Variants in LPCAT4 observed in about 807,000 individuals in gnomAD.
LPCAT4 encodes the protein lysophosphatidylcholine acyltransferase 4, also known as lysophospholipid acyltransferase LPCAT4.
Under a neutral mutation model 66.5 loss-of-function variants are expected in LPCAT4, and 30 were observed. The observed-to-expected ratio is 0.45, with a 90% CI of 0.34 to 0.61. The LOEUF (loss-of-function observed/expected upper bound fraction) is 0.61. Ranked by LOEUF, LPCAT4 falls within the 20% of genes least tolerant of loss-of-function variation. The pLI is 0.01. For synonymous variants in LPCAT4, 253 were observed against 262.1 expected (o/e 0.97, Z 0.34); for missense variants, 557 against 656.7 (o/e 0.85, Z 1.66).
At position 34,367,158 on chromosome 15, in the gene LPCAT4, G is replaced by A; in HGVS notation, c.-58C>T. On this transcript the variant is annotated 5_prime_UTR_variant, in exon 1 of 14. Coordinates refer to ENST00000314891, the MANE Select transcript of LPCAT4 (RefSeq NM_153613.3). ...CCCTGGCCCCGGCCACCACTCTGCA[G>A]AGCAGCTGCTGCTGCAGCAGCGGCG... The A allele has an allele frequency of 1.5e-6, 2 of 1,363,530 alleles. No individual in the cohort carries two copies. The highest frequency in any genetic ancestry group is 3.1e-5 in the African/African-American group (2 of 64,964). The allele number at this position is 1,363,530 out of a possible 1,614,324, so 84.5% of individuals were successfully genotyped here.
rs556567055 is a variant in LPCAT4, at chr15:34,359,107, G to T, written c.*20C>A. Reference sequence around the variant, plus strand: ...CCCCTAGCGCTGCCCTGAGGAGGAGGGGGTGAGAGGCTGAGGCACTCAGTC... The same window carrying T: ...CCCCTAGCGCTGCCCTGAGGAGGAGTGGGTGAGAGGCTGAGGCACTCAGTC... On this transcript the variant is annotated 3_prime_UTR_variant, in exon 14 of 14. Transcript: ENST00000314891. 2.3e-5 allele frequency: 37 copies of T among 1,592,398 alleles called. No homozygotes were observed. The African/African-American group carries it at 5.0e-4, about 21-fold the overall frequency.
At chr15:34,361,286 G>T in intron 11 of LPCAT4, 114 bp downstream of exon 11, 1 of 1,527,216 alleles carries the variant, frequency 6.5e-7, no homozygotes, top group Non-Finnish European at 8.8e-7. Context: ...AACAACAGCT[G>T]TGAGAACATC....
intron 1 of LPCAT4, 94 bp from the exon 2 acceptor site, chr15:34,365,795 G>T: frequency 7.0e-7 from 1 of 1,434,268 alleles, no homozygotes; most frequent in Non-Finnish European, 9.5e-7. Flanking sequence ...GGAGCAGACA[G>T]CCATCATCCC....
In LPCAT4 at chr15:34,363,928, C is replaced by T; in HGVS notation, c.652+85G>A. The T allele has an allele frequency of 6.9e-7, 1 of 1,451,642 alleles. No individual in the cohort carries two copies. The highest frequency in any genetic ancestry group is 9.6e-7 in the Non-Finnish European group (1 of 1,040,514). The allele number at this position is 1,451,642 out of a possible 1,614,324, so 89.9% of individuals were successfully genotyped here. A position where few individuals can be genotyped will look rare whatever the true frequency, so the allele number is the denominator to read the frequency against. ...TTCCTCTCCCATCCCTCCCCCTCTT[C>T]TACTTCTTGGGTTATTTCAGAGTCC... is the stretch of plus-strand genomic sequence containing the variant. On this transcript the variant is annotated intron_variant, in intron 5 of 13. Coordinates refer to ENST00000314891, the MANE Select transcript of LPCAT4 (RefSeq NM_153613.3). This position sits in a 1 kb window ranked among gnomAD's most constrained non-coding sequence, Gnocchi z 4.3.
Position 34,363,757 on chromosome 15 carries a change from G to C in LPCAT4, c.653-38C>G. The C allele has an allele frequency of 6.2e-7, 1 of 1,612,324 alleles. No individual in the cohort carries two copies. Among genetic ancestry groups the C allele is most frequent in the Non-Finnish European group, 8.5e-7 (1 of 1,178,406 alleles). On this transcript the variant is annotated intron_variant, in intron 5 of 13. Coordinates refer to ENST00000314891, the MANE Select transcript of LPCAT4 (RefSeq NM_153613.3). The surrounding 1 kb of genome is among the most constrained non-coding windows in gnomAD (Gnocchi z 4.3). ...TCCACCCCCACCCCCACAAGGCAGAGGTTAGTACACAGAAGTAGCTAGAGG... is the reference window on the plus strand; with the variant it reads ...TCCACCCCCACCCCCACAAGGCAGACGTTAGTACACAGAAGTAGCTAGAGG...
intron 1 of LPCAT4, chr15:34,365,981 C>T (rs1209608499): frequency 2.6e-6 from 1 of 382,470 alleles, no homozygotes; most frequent in Non-Finnish European, 4.8e-6. Context: ...GCATCTAGCA[C>T]TTAGAGGATT....
chr15:34,363,589 C>G lies in LPCAT4; in HGVS notation c.711+72G>C, dbSNP rs1246509296. On this transcript the variant is annotated intron_variant, in intron 6 of 13. Coordinates refer to ENST00000314891, the MANE Select transcript of LPCAT4 (RefSeq NM_153613.3). The surrounding 1 kb of genome is among the most constrained non-coding windows in gnomAD (Gnocchi z 4.3). Reference sequence around the variant, plus strand: ...AATGCACATCCCATTAAAGCACCAACAGTTTTCACTTATTTCCATTTGGGG... The same window carrying G: ...AATGCACATCCCATTAAAGCACCAAGAGTTTTCACTTATTTCCATTTGGGG... 1.2e-6 allele frequency: 2 copies of G among 1,602,820 alleles called. No individual in the cohort carries two copies. The highest frequency in any genetic ancestry group is 2.2e-5 in the South Asian group (2 of 90,806).
At chr15:34,361,607 C>G in intron 10 of LPCAT4, 75 bp from the exon 11 acceptor site, 1 of 1,579,836 alleles carries the variant, frequency 6.3e-7, no homozygotes. Flanking sequence ...ACTTCAGCCC[C>G]AGTACCAAGA....
intron 9 of LPCAT4, 96 bp from the exon 10 acceptor site, chr15:34,362,417 G>A: frequency 6.6e-7 from 1 of 1,515,222 alleles, no homozygotes. Context: ...GAGTAGATCA[G>A]GCCCCTTTAA....
chr15:34,362,967 G>A, intron 7 of LPCAT4, 131 bp from the exon 8 acceptor site: 1 of 852,242 alleles, frequency 1.2e-6, no homozygotes, highest in South Asian at 1.5e-5. Flanking sequence ...AATAGGGACA[G>A]ACTCCTAGCC....
At position 34,359,238 on chromosome 15, in the gene LPCAT4, G is replaced by A. The variant is rs755579024; in HGVS notation, c.1464C>T (p.Arg488=). The A allele has an allele frequency of 6.4e-6, 10 of 1,573,070 alleles. No homozygotes were observed. Among genetic ancestry groups the A allele is most frequent in the African/African-American group, 2.7e-5 (2 of 74,140 alleles). Residue 488 remains arginine, a synonymous_variant, in exon 14 of 14, where the codon CGC becomes CGT. Transcript: ENST00000314891. ...LYGKLFSTYL[R]PPHTSRGTSQ... Reference sequence around the variant, plus strand: ...AGGTGCCTCGAGAGGTGTGTGGGGGGCGCAGGTAGGTGCTGAAGAGTTTCC... The same window carrying A: ...AGGTGCCTCGAGAGGTGTGTGGGGGACGCAGGTAGGTGCTGAAGAGTTTCC...
chr15:34,363,928 C>G lies in LPCAT4; in HGVS notation c.652+85G>C. On this transcript the variant is annotated intron_variant, in intron 5 of 13. Transcript: ENST00000314891. The surrounding 1 kb of genome is among the most constrained non-coding windows in gnomAD (Gnocchi z 4.3). ...TTCCTCTCCCATCCCTCCCCCTCTT[C>G]TACTTCTTGGGTTATTTCAGAGTCC... 6.9e-7 allele frequency: 1 copy of G among 1,451,642 alleles called. No individual in the cohort carries two copies. Among genetic ancestry groups the G allele is most frequent in the Non-Finnish European group, 9.6e-7 (1 of 1,040,514 alleles). 89.9% of individuals were successfully genotyped at this position (1,451,642 alleles called of 1,614,324 possible). A position where few individuals can be genotyped will look rare whatever the true frequency, so the allele number is the denominator to read the frequency against.
rs183675731 is a variant in LPCAT4, at chr15:34,362,237, T to C, written c.969A>G (p.Glu323=). Residue 323 remains glutamate, a synonymous_variant, in exon 10 of 14, where the codon GAA becomes GAG. Transcript: ENST00000314891. ...IVVGRLKVAL[E]PQLWELGKVL... ...CTTTTCCCAGTTCCCAGAGCTGTGG[T>C]TCCAACGCCACCTTCAGCCGGCCCA... is the stretch of plus-strand genomic sequence containing the variant. 6.9e-5 allele frequency: 111 copies of C among 1,614,006 alleles called. No individual in the cohort carries two copies. In the African/African-American group the frequency reaches 1.3e-3, roughly 18 times the overall value.
At chr15:34,365,513 A>G (rs1239944682) in intron 2 of LPCAT4, 46 bp downstream of exon 2, 1 of 1,612,236 alleles carries the variant, frequency 6.2e-7, no homozygotes, top group East Asian at 2.2e-5. Flanking sequence ...CCGAATAGAC[A>G]GCAGGGAAGA....
At position 34,363,982 on chromosome 15, in the gene LPCAT4, A is replaced by G. The variant is rs1169118880; in HGVS notation, c.652+31T>C. ...CCCAAATCTGGAACTTCTTTTTCCT[A>G]CAGCCCACCACCCACTATCATTTTA... On this transcript the variant is annotated intron_variant, in intron 5 of 13. Transcript: ENST00000314891. This position sits in a 1 kb window ranked among gnomAD's most constrained non-coding sequence, Gnocchi z 4.3. 1.3e-6 allele frequency: 2 copies of G among 1,597,164 alleles called. No individual in the cohort carries two copies. The highest frequency in any genetic ancestry group is 1.7e-5 in the Admixed American group (1 of 59,124).
At chr15:34,365,431 G>A in intron 2 of LPCAT4, 128 bp downstream of exon 2, 2 of 1,348,748 alleles carry the variant, frequency 1.5e-6, no homozygotes, top group Non-Finnish European at 2.0e-6. Context: ...GAGCTTGGCT[G>A]ACTCATCTCA....
Position 34,365,243 on chromosome 15 carries a change from C to G in LPCAT4, c.258-15G>C, listed in dbSNP as rs528812915. The G allele has an allele frequency of 1.3e-5, 21 of 1,592,128 alleles. No individual in the cohort carries two copies. In the East Asian group the frequency reaches 4.7e-4, roughly 36 times the overall value. On this transcript the variant is annotated splice_polypyrimidine_tract_variant and intron_variant, in intron 2 of 13. Coordinates refer to ENST00000314891, the MANE Select transcript of LPCAT4 (RefSeq NM_153613.3). ...GGCACACAGTCCTGCCAGGGCAAGG[C>G]TGGGTATCAGCGGAAGCAGTGGTTC...
intron 9 of LPCAT4, 60 bp downstream of exon 9, chr15:34,362,513 G>T: frequency 6.7e-7 from 1 of 1,486,346 alleles, no homozygotes; most frequent in Non-Finnish European, 9.1e-7. Flanking sequence ...CCCCCTCCAC[G>T]CCCCTGTGGT....
intron 3 of LPCAT4, 41 bp from the exon 4 acceptor site, chr15:34,364,347 T>C: frequency 1.5e-6 from 2 of 1,300,192 alleles, no homozygotes; most frequent in Non-Finnish European, 2.2e-6. Context: ...ACTTCTTTCC[T>C]ACCCAGGGGC....
Sources: gnomAD v4.1 joint callset for allele counts on GRCh38, gnomAD v4.1.1 for gene constraint, Gnocchi (gnomAD v3.1) non-coding constraint, MANE v1.5 for transcripts, NCBI Gene and HGNC (gene_info 2026-07-23, HGNC 2026-07-21) for gene names.